TEX101: variants seen among roughly 807,000 people sequenced by gnomAD.
TEX101 encodes the protein testis-expressed protein 101.
A neutral mutation model predicts 18.1 loss-of-function variants in TEX101; 10 were observed. That is an observed-to-expected ratio of 0.55 (90% CI 0.34 to 0.94). The LOEUF (loss-of-function observed/expected upper bound fraction) is 0.94, where lower values mean the gene tolerates loss of function less well. Among genes scored for constraint, TEX101 ranks in the 40% least tolerant of loss-of-function variants. TEX101 has a pLI of 0.02. For synonymous variants in TEX101, 94 were observed against 114.8 expected, an observed-to-expected ratio of 0.82 and a Z score of 1.16; for missense variants, 259 against 298.9, an observed-to-expected ratio of 0.87 and a Z score of 0.98.
chr19:43,392,734 C>T, the TEX101 span, among the ~76,000 whole-genome samples: 1 of 151,886 alleles, frequency 6.6e-6, no homozygotes, highest in South Asian at 2.1e-4. Flanking sequence ...AGACAGTGTG[C>T]AGGAGGAAGG....
upstream of TEX101, among the ~76,000 whole-genome samples, chr19:43,397,668 C>T (rs1449583430): frequency 2.0e-5 from 3 of 149,068 alleles, no homozygotes; most frequent in Non-Finnish European, 4.4e-5. Context: ...GAATGACTAG[C>T]CCACAATACC....
upstream of TEX101, among the ~76,000 whole-genome samples, chr19:43,414,612 A>C (rs1464870515): frequency 1.3e-5 from 2 of 152,180 alleles, no homozygotes; most frequent in Non-Finnish European, 2.9e-5. Flanking sequence ...AACAGAGTGC[A>C]AAAAGAGAAA....
At chr19:43,409,182 G>A (rs1970397614) in intron 3 of TEX101, among the ~76,000 whole-genome samples, 2 of 152,180 alleles carry the variant, frequency 1.3e-5, no homozygotes, top group African/African-American at 4.8e-5. Context: ...ATCTACCGCA[G>A]AAGAAAGTGA....
chr19:43,393,074 G>GGGAAGGAAGGAAGGAAGTAA, the TEX101 span, among the ~76,000 whole-genome samples: 1 of 129,402 alleles, frequency 7.7e-6, no homozygotes, highest in African/African-American at 3.4e-5. Flanking sequence ...AAAGAAAGAA[G>GGGAAGGAAGGAAGGAAGTAA]GGAAGGAAGG....
the TEX101 span, among the ~76,000 whole-genome samples, chr19:43,391,984 A>G: frequency 6.6e-6 from 1 of 152,232 alleles, no homozygotes; most frequent in South Asian, 2.1e-4. Flanking sequence ...TAAGCACAGA[A>G]CCCTGCTGGC....
At chr19:43,413,074 TC>T (rs1287597049), upstream of TEX101, among the ~76,000 whole-genome samples, 1 of 152,174 alleles carries the variant, frequency 6.6e-6, no homozygotes, top group Non-Finnish European at 1.5e-5. Flanking sequence ...ATCTGTAAGT[TC>T]CAGACATTAT....
upstream of TEX101, among the ~76,000 whole-genome samples, chr19:43,411,854 T>C (rs1970422292): frequency 6.6e-6 from 1 of 152,010 alleles, no homozygotes. Context: ...TTTCACCGTG[T>C]TGGTGAAGGT....
intron 3 of TEX101, among the ~76,000 whole-genome samples, chr19:43,407,093 G>C (rs116769586): frequency 0.022 from 3,349 of 152,116 alleles, 136 homozygotes; most frequent in African/African-American, 0.076. Context: ...GAGCCACCAT[G>C]TCCTGTGGCT....
rs1205905248 is a variant in TEX101, at chr19:43,416,249, T to A, written c.208+7T>A. 3 of 1,603,100 alleles carry A rather than the reference T, an allele frequency of 1.9e-6. No individual in the cohort carries two copies. The Admixed American group carries it at 5.1e-5, about 27-fold the overall frequency. ...ATACTAATAATTAAAGCAGGTGAAATGAGATGGGGCATTTGGGCTGGGTAG... is the reference window on the plus strand; with the variant it reads ...ATACTAATAATTAAAGCAGGTGAAAAGAGATGGGGCATTTGGGCTGGGTAG... On this transcript the variant is annotated splice_region_variant and intron_variant, in intron 3 of 5. Transcript: ENST00000598265.
At chr19:43,399,238 T>C (rs77044587), upstream of TEX101, among the ~76,000 whole-genome samples, 3,962 of 152,334 alleles carry the variant, frequency 0.026, 63 homozygotes, top group Middle Eastern at 0.099. Flanking sequence ...TGAGTGATGC[T>C]ATCTACATTA....
At chr19:43,415,769 A>G in intron 1 of TEX101, 112 bp from the exon 2 acceptor site, 5 of 952,702 alleles carry the variant, frequency 5.2e-6, no homozygotes, top group Middle Eastern at 3.4e-4. Context: ...CAAAAAAAAA[A>G]AAAATGCAGA....
intron 3 of TEX101, among the ~76,000 whole-genome samples, chr19:43,406,920 CTTTGTTT>C (rs1217741637): frequency 8.5e-5 from 10 of 117,888 alleles, no homozygotes; most frequent in Non-Finnish European, 1.7e-4. Context: ...TGTTTTTTGT[CTTTGTTT>C]TTTGTTTTTT....
intron 1 of TEX101, among the ~76,000 whole-genome samples, chr19:43,415,487 C>T (rs1970463979): frequency 6.6e-6 from 1 of 152,108 alleles, no homozygotes; most frequent in Admixed American, 6.5e-5. Context: ...TGAGGCCGGG[C>T]ATCAGGGCTC....
intron 3 of TEX101, among the ~76,000 whole-genome samples, chr19:43,408,912 A>C (rs1469914001): frequency 6.6e-6 from 1 of 152,166 alleles, no homozygotes; most frequent in Non-Finnish European, 1.5e-5. Context: ...GACACCTGGA[A>C]ATTCTCATGA....
At chr19:43,400,098 A>G (rs1005370073), upstream of TEX101, among the ~76,000 whole-genome samples, 2 of 152,210 alleles carry the variant, frequency 1.3e-5, no homozygotes, top group Non-Finnish European at 2.9e-5. Flanking sequence ...TACAGGCGTG[A>G]GCCACCAAGC....
upstream of TEX101, among the ~76,000 whole-genome samples, chr19:43,399,736 T>C (rs1055852394): frequency 6.6e-6 from 1 of 152,116 alleles, no homozygotes; most frequent in African/African-American, 2.4e-5. Flanking sequence ...ATCCACACTT[T>C]CTTTTGATGC....
chr19:43,406,946 T>TTC (rs1191989651), intron 3 of TEX101, among the ~76,000 whole-genome samples: 1 of 151,166 alleles, frequency 6.6e-6, no homozygotes, highest in Non-Finnish European at 1.5e-5. Context: ...TTTTTTTTTT[T>TTC]TTGACAGGGT....
chr19:43,413,220 A>C (rs972332338), upstream of TEX101, among the ~76,000 whole-genome samples: 2 of 152,200 alleles, frequency 1.3e-5, no homozygotes, highest in Non-Finnish European at 2.9e-5. Context: ...AAAAAGGCCA[A>C]GAATTGGCCA....
At chr19:43,389,931 T>C in the TEX101 span, among the ~76,000 whole-genome samples, 6 of 152,130 alleles carry the variant, frequency 3.9e-5, no homozygotes, top group African/African-American at 1.4e-4. Flanking sequence ...CTGTCTCCAC[T>C]GGGGCCAGCA....
Sources: allele counts gnomAD v4.1 joint callset (sites outside exome capture counted in the v4.1 genomes callset), GRCh38; gene constraint gnomAD v4.1.1; transcripts MANE v1.5; gene names NCBI Gene and HGNC (gene_info 2026-07-23, HGNC 2026-07-21).